Variants in PPP2R5E observed in about 807,000 individuals in gnomAD.
PPP2R5E encodes the protein protein phosphatase 2 regulatory subunit B'epsilon, also known as serine/threonine-protein phosphatase 2A 56 kDa regulatory subunit epsilon isoform.
Under a neutral mutation model 65.3 loss-of-function variants are expected in PPP2R5E, and 4 were observed. That is an observed-to-expected ratio of 0.06 (90% confidence interval 0.03 to 0.14). The LOEUF (loss-of-function observed/expected upper bound fraction) is 0.14, where lower values mean the gene tolerates loss of function less well. PPP2R5E is among the 10% of genes least tolerant of loss of function. The pLI is 1.00. For synonymous variants in PPP2R5E, 183 were observed against 187.4 expected (o/e 0.98, Z 0.19); for missense variants, 274 against 556.1 (o/e 0.49, Z 5.10).
intron 2 of PPP2R5E, among the ~76,000 whole-genome samples, chr14:63,539,029 T>C (rs1893783553): frequency 6.6e-6 from 1 of 152,184 alleles, no homozygotes. Flanking sequence ...TCTTTTCTAC[T>C]TGTACTATGT....
At position 63,422,894 on chromosome 14, in the gene PPP2R5E, T is replaced by A. The variant is rs1887120948; in HGVS notation, c.355-800A>T. ...CCTTATCTGTCCTCAACAAGTTGGT[T>A]TACAAAATAGTAATGATACCCAGAG... is the stretch of plus-strand genomic sequence containing the variant. On this transcript the variant is annotated intron_variant, in intron 3 of 13. Coordinates refer to ENST00000337537, the MANE Select transcript of PPP2R5E (RefSeq NM_006246.5). 2.0e-5 allele frequency among the ~76,000 whole-genome samples: 3 copies of A among 152,162 alleles called. No individual in the cohort carries two copies. The South Asian group carries it at 6.2e-4, about 32-fold the overall frequency.
At position 63,511,817 on chromosome 14, in the gene PPP2R5E, G is replaced by A. The variant is rs74356216; in HGVS notation, c.157+27712C>T. ...ATCTCAGCTGGGTGTGATGGCTCAC[G>A]TCTGTAATCCCAGCACTTTGGGAGG... On this transcript the variant is annotated intron_variant, in intron 2 of 13. Transcript: ENST00000337537. 5.6e-3 allele frequency among the ~76,000 whole-genome samples: 851 copies of A among 152,204 alleles called. 40 individuals are homozygous for A. In the East Asian group the frequency reaches 0.1, roughly 19 times the overall value.
chr14:63,441,904 C>A (rs8003144), intron 3 of PPP2R5E, among the ~76,000 whole-genome samples: 33,594 of 142,142 alleles, frequency 0.24, 4,118 homozygotes, highest in African/African-American at 0.35. Context: ...AGCAAGACTC[C>A]GTCTAAAAAA....
At chr14:63,423,593 A>G (rs771939445) in intron 3 of PPP2R5E, among the ~76,000 whole-genome samples, 3 of 152,216 alleles carry the variant, frequency 2.0e-5, no homozygotes, top group Non-Finnish European at 2.9e-5. Flanking sequence ...AGAAGGGAAA[A>G]AGAAAGGAGA....
At position 63,530,443 on chromosome 14, in the gene PPP2R5E, G is replaced by A. The variant is rs555563007; in HGVS notation, c.157+9086C>T. 2.4e-4 allele frequency among the ~76,000 whole-genome samples: 36 copies of A among 151,672 alleles called. 1 individual carries two copies. In the South Asian group the frequency reaches 6.9e-3, roughly 29 times the overall value. On this transcript the variant is annotated intron_variant, in intron 2 of 13. Coordinates refer to ENST00000337537, the MANE Select transcript of PPP2R5E (RefSeq NM_006246.5). ...AGACGAGGTTTCACAATGTTGGCCA[G>A]GCTGGTCTCAAACTTCTGACCTCAG...
chr14:63,382,478 C>A (rs955406102), intron 12 of PPP2R5E, among the ~76,000 whole-genome samples: 1 of 151,854 alleles, frequency 6.6e-6, no homozygotes, highest in African/African-American at 2.4e-5. Context: ...CTTGGCTCAC[C>A]GCAACCTCCG....
intron 13 of PPP2R5E, among the ~76,000 whole-genome samples, chr14:63,378,488 T>C (rs1884118060): frequency 6.6e-6 from 1 of 152,188 alleles, no homozygotes; most frequent in South Asian, 2.1e-4. Flanking sequence ...TACTAAAGTG[T>C]TTCATGTTTT....
intron 3 of PPP2R5E, among the ~76,000 whole-genome samples, chr14:63,434,237 A>G (rs1203043955): frequency 6.6e-6 from 1 of 152,222 alleles, no homozygotes; most frequent in Non-Finnish European, 1.5e-5. Flanking sequence ...CCAGTATAAC[A>G]GCAAAAAAAC....
At chr14:63,514,857 C>A (rs1352113957) in intron 2 of PPP2R5E, among the ~76,000 whole-genome samples, 1 of 152,200 alleles carries the variant, frequency 6.6e-6, no homozygotes, top group Non-Finnish European at 1.5e-5. Flanking sequence ...ATGAATCCTG[C>A]AAGGTAGACG....
At chr14:63,425,799 T>C (rs1887299394) in intron 3 of PPP2R5E, among the ~76,000 whole-genome samples, 1 of 152,252 alleles carries the variant, frequency 6.6e-6, no homozygotes, top group Non-Finnish European at 1.5e-5. Context: ...ATTTTCTTGG[T>C]GACTTGAATA....
intron 2 of PPP2R5E, among the ~76,000 whole-genome samples, chr14:63,512,078 T>TA (rs57623942): frequency 0.079 from 6,841 of 86,814 alleles, 467 homozygotes; most frequent in Non-Finnish European, 0.12. Context: ...GACTCTGCGG[T>TA]AAAAAAAAAA....
intron 3 of PPP2R5E, among the ~76,000 whole-genome samples, chr14:63,437,842 T>G (rs898444425): frequency 3.3e-5 from 5 of 152,176 alleles, no homozygotes; most frequent in African/African-American, 1.2e-4. Flanking sequence ...TAGCAAATAA[T>G]TATAACCAGC....
rs199970005 is a variant in PPP2R5E at position 63,395,537 on chromosome 14, AG to A, written c.681-253del. Among the ~76,000 whole-genome samples, 116 of 18,912 alleles carry A rather than the reference AG, an allele frequency of 6.1e-3. 4 individuals carry two copies. Among genetic ancestry groups the A allele is most frequent in the African/African-American group, 0.022 (77 of 3,542 alleles). 12.4% of individuals were successfully genotyped at this position (18,912 alleles called of 152,430 possible). The stretch of plus-strand genomic sequence containing the variant: ...GGAGGGAAGAGAGGAGGAGGAGAGG[AG>A]GGAAGAGAGGAGGAGAGGAGGGAAG... On this transcript the variant is annotated intron_variant, in intron 6 of 13. Transcript: ENST00000337537.
intron 2 of PPP2R5E, among the ~76,000 whole-genome samples, chr14:63,484,855 A>T (rs932698304): frequency 6.6e-6 from 1 of 152,236 alleles, no homozygotes; most frequent in African/African-American, 2.4e-5. Context: ...GTATCTTGTA[A>T]ATTTACAGGA....
chr14:63,505,958 G>A (rs954645265), intron 2 of PPP2R5E, among the ~76,000 whole-genome samples: 1 of 152,126 alleles, frequency 6.6e-6, no homozygotes. Flanking sequence ...GTTGTGTAAA[G>A]TCAGGCAAGG....
At chr14:63,431,887 A>G (rs1430450526) in intron 3 of PPP2R5E, among the ~76,000 whole-genome samples, 1 of 152,212 alleles carries the variant, frequency 6.6e-6, no homozygotes, top group Non-Finnish European at 1.5e-5. Flanking sequence ...ATTAGTAATT[A>G]TTGTTACACA....
At chr14:63,430,401 G>GCATACATACATACATACATGCATA (rs1566696707) in intron 3 of PPP2R5E, among the ~76,000 whole-genome samples, 28 of 143,812 alleles carry the variant, frequency 1.9e-4, no homozygotes, top group South Asian at 4.4e-4. Flanking sequence ...ATACATACAT[G>GCATACATACATACATACATGCATA]CATACATACA....
chr14:63,435,099 G>A (rs1268110073), intron 3 of PPP2R5E, among the ~76,000 whole-genome samples: 1 of 152,166 alleles, frequency 6.6e-6, no homozygotes, highest in Non-Finnish European at 1.5e-5. Context: ...ACAGGAAAGA[G>A]CAAAAGGGGA....
At chr14:63,430,573 C>T (rs924991085) in intron 3 of PPP2R5E, among the ~76,000 whole-genome samples, 3 of 152,092 alleles carry the variant, frequency 2.0e-5, no homozygotes, top group Admixed American at 6.5e-5. Flanking sequence ...TAAAGAACCT[C>T]TCAAATCTGA....
Sources: gnomAD v4.1 joint callset for allele counts (sites outside exome capture counted in the v4.1 genomes callset) on GRCh38, gnomAD v4.1.1 for gene constraint, MANE v1.5 for transcripts, NCBI Gene and HGNC (gene_info 2026-07-23, HGNC 2026-07-21) for gene names.